The following PREX1 variants were observed in gnomAD, a reference collection of about 807,000 sequenced individuals.
PREX1 encodes phosphatidylinositol-3,4,5-trisphosphate dependent Rac exchange factor 1.
A neutral mutation model predicts 198.3 loss-of-function variants in PREX1; 41 were observed. The ratio of observed to expected loss-of-function variants is 0.21; its 90% CI spans 0.16 to 0.27. The LOEUF is 0.27. Ranked by LOEUF, PREX1 falls within the 10% of genes least tolerant of loss-of-function variation. PREX1 has a pLI of 1.00. For synonymous variants in PREX1, 843 were observed against 887.2 expected (o/e 0.95, Z 0.89); for missense variants, 1,620 against 2,200.7 (o/e 0.74, Z 5.28).
the PREX1 span, among the ~76,000 whole-genome samples, chr20:48,851,378 G>T: frequency 2.0e-5 from 3 of 152,142 alleles, no homozygotes; most frequent in African/African-American, 7.2e-5. Flanking sequence ...GTGGTGGCAG[G>T]TGCTTGTAAT....
Position 48,639,855 on chromosome 20 carries a change from C to G in PREX1, c.3815G>C (p.Ser1272Thr). 6.2e-7 allele frequency: 1 copy of G among 1,614,106 alleles called. No individual in the cohort carries two copies. Among genetic ancestry groups the G allele is most frequent in the Non-Finnish European group, 8.5e-7 (1 of 1,179,998 alleles). ...CTCCTGGATGCTAATCTGGATCAGG[C>G]TCCGGCCACGGATTGTACACTCTTC... ...QKEECTIRGR[S>T]LIQISIQEDP... Residue 1272 changes from serine to threonine, a missense_variant, in exon 30 of 40, where the codon AGC becomes ACC. Around this residue, in one of 7 missense-constraint regions of PREX1, gnomAD observed 476 missense variants for 603.4 expected, o/e 0.79. Coordinates refer to ENST00000371941, the MANE Select transcript of PREX1 (RefSeq NM_020820.4).
intron 6 of PREX1, among the ~76,000 whole-genome samples, chr20:48,705,610 T>C (rs760934240): frequency 2.6e-5 from 4 of 152,220 alleles, no homozygotes; most frequent in Non-Finnish European, 5.9e-5. Flanking sequence ...AGGCATGCTG[T>C]CCTCAGAGAC....
At chr20:48,629,649 G>C (rs768664269) in intron 36 of PREX1, 28 bp from the exon 37 acceptor site, 1 of 1,606,228 alleles carries the variant, frequency 6.2e-7, no homozygotes, top group East Asian at 2.2e-5. Flanking sequence ...CATAACCGGG[G>C]AGTTGGAGGA....
the PREX1 span, among the ~76,000 whole-genome samples, chr20:48,841,333 C>T: frequency 1.3e-5 from 2 of 152,160 alleles, no homozygotes; most frequent in African/African-American, 4.8e-5. Flanking sequence ...CTCAGCTTCT[C>T]GATTCTGCTG....
intron 1 of PREX1, among the ~76,000 whole-genome samples, chr20:48,817,124 G>A (rs948627228): frequency 6.6e-6 from 1 of 152,158 alleles, no homozygotes; most frequent in Non-Finnish European, 1.5e-5. Flanking sequence ...GTTCATGGAG[G>A]GATTTCACAG....
rs757155573 is a variant in PREX1 at position 48,642,496 on chromosome 20, G to A, written c.3602-7C>T. ...TCACAGGGCAGCTCATCTCCTGGCA[G>A]GAGGTAGAAGCAGCAGCCATCAGTC... is the stretch of plus-strand genomic sequence containing the variant. On this transcript the variant is annotated splice_region_variant and splice_polypyrimidine_tract_variant and intron_variant, in intron 27 of 39. Coordinates refer to ENST00000371941, the MANE Select transcript of PREX1 (RefSeq NM_020820.4). 2 of 1,607,862 alleles carry A rather than the reference G, an allele frequency of 1.2e-6. No homozygotes were observed. The highest frequency in any genetic ancestry group is 1.7e-4 in the Middle Eastern group (1 of 6,050).
chr20:48,719,982 C>A (rs530528721), intron 5 of PREX1, among the ~76,000 whole-genome samples: 9 of 152,198 alleles, frequency 5.9e-5, no homozygotes, highest in Non-Finnish European at 8.8e-5. Context: ...ACCTCTCTAA[C>A]CTTACTCCCT....
At chr20:48,665,989 C>T (rs1201806002) in intron 15 of PREX1, among the ~76,000 whole-genome samples, 2 of 152,228 alleles carry the variant, frequency 1.3e-5, no homozygotes, top group Non-Finnish European at 2.9e-5. Flanking sequence ...TCTGGCCTTG[C>T]TGCCTACCCT....
chr20:48,665,492 C>T (rs918645418), intron 15 of PREX1, among the ~76,000 whole-genome samples: 5 of 150,322 alleles, frequency 3.3e-5, no homozygotes, highest in Admixed American at 1.3e-4. Context: ...CGACTCCAGA[C>T]GGCCTGAGTT....
chr20:48,862,423 T>C, the PREX1 span, among the ~76,000 whole-genome samples: 1 of 152,092 alleles, frequency 6.6e-6, no homozygotes, highest in South Asian at 2.1e-4. Flanking sequence ...TATTATTTCA[T>C]TGAATCCTCA....
chr20:48,822,611 C>T (rs1019069985), intron 1 of PREX1, among the ~76,000 whole-genome samples: 23 of 152,272 alleles, frequency 1.5e-4, no homozygotes, highest in Non-Finnish European at 2.4e-4. Context: ...TTCTTCCTGT[C>T]GGCTTCTTAA....
chr20:48,769,262 TG>T (rs2090223394), intron 1 of PREX1, among the ~76,000 whole-genome samples: 1 of 151,976 alleles, frequency 6.6e-6, no homozygotes, highest in South Asian at 2.1e-4. Flanking sequence ...GCAAAGAGGC[TG>T]GGGGTGGTGG....
At chr20:48,724,338 T>C (rs2090000539) in intron 5 of PREX1, among the ~76,000 whole-genome samples, 1 of 152,234 alleles carries the variant, frequency 6.6e-6, no homozygotes, top group Non-Finnish European at 1.5e-5. Flanking sequence ...ACTAAGTCCA[T>C]GCTTACTTGT....
intron 1 of PREX1, among the ~76,000 whole-genome samples, chr20:48,779,438 T>G (rs892498685): frequency 2.6e-5 from 4 of 152,216 alleles, no homozygotes; most frequent in African/African-American, 9.6e-5. Context: ...CCACAAAGTT[T>G]TTTGGCAGCT....
chr20:48,693,423 A>C (rs1425601034), intron 7 of PREX1, among the ~76,000 whole-genome samples: 1 of 152,162 alleles, frequency 6.6e-6, no homozygotes, highest in Non-Finnish European at 1.5e-5. Flanking sequence ...GGCCCTTATA[A>C]AAGAGGCCCC....
chr20:48,642,642 C>A (rs533777020), intron 27 of PREX1, 153 bp from the exon 28 acceptor site: 7 of 642,682 alleles, frequency 1.1e-5, no homozygotes, highest in African/African-American at 9.1e-5. Context: ...AGCCACAGGG[C>A]AAATCACCTG....
At chr20:48,863,108 G>A in the PREX1 span, among the ~76,000 whole-genome samples, 86 of 152,210 alleles carry the variant, frequency 5.7e-4, no homozygotes, top group Admixed American at 4.1e-3. Context: ...GATTATAGGC[G>A]TAAGCCACTG....
intron 1 of PREX1, among the ~76,000 whole-genome samples, chr20:48,792,433 G>A (rs1183804048): frequency 1.3e-5 from 2 of 152,116 alleles, no homozygotes; most frequent in Non-Finnish European, 2.9e-5. Context: ...TCGCGCCACT[G>A]CACTCCAGCC....
At chr20:48,731,024 AT>A in intron 4 of PREX1, among the ~76,000 whole-genome samples, 1 of 152,098 alleles carries the variant, frequency 6.6e-6, no homozygotes, top group South Asian at 2.1e-4. Context: ...AAAACAAAAA[AT>A]TTCAGACTCT....
Sources: allele counts gnomAD v4.1 joint callset (sites outside exome capture counted in the v4.1 genomes callset), GRCh38; gene constraint gnomAD v4.1.1; regional missense constraint gnomAD v4.1.1; transcripts MANE v1.5; gene names NCBI Gene and HGNC (gene_info 2026-07-23, HGNC 2026-07-21).